Variants in PGM5 observed in about 807,000 individuals in gnomAD.
The protein encoded by PGM5 is phosphoglucomutase-like protein 5.
Under a neutral mutation model 59.2 loss-of-function variants are expected in PGM5, and 23 were observed. The observed-to-expected ratio is 0.39, with a 90% CI of 0.28 to 0.55. The LOEUF is 0.55. PGM5 is among the 20% of genes least tolerant of loss of function. PGM5 has a pLI of 0.66. For missense variants in PGM5, 574 were observed against 748.3 expected, an observed-to-expected ratio of 0.77 and a Z score of 2.72; for synonymous variants, 214 against 286.0, an observed-to-expected ratio of 0.75 and a Z score of 2.54.
intron 6 of PGM5, among the ~76,000 whole-genome samples, chr9:68,442,198 T>A (rs1554683728): frequency 5.9e-5 from 9 of 152,266 alleles, no homozygotes. Context: ...ATAAACAAAC[T>A]GGTTCTAAAT....
At chr9:68,423,531 G>A (rs1440445853) in intron 6 of PGM5, among the ~76,000 whole-genome samples, 2 of 152,288 alleles carry the variant, frequency 1.3e-5, no homozygotes, top group East Asian at 3.9e-4. Flanking sequence ...GAAGAGCTTG[G>A]TGTTGAGAAT....
intron 9 of PGM5, among the ~76,000 whole-genome samples, chr9:68,488,310 T>C (rs1824331963): frequency 6.6e-6 from 1 of 152,208 alleles, no homozygotes; most frequent in African/African-American, 2.4e-5. Flanking sequence ...CTTGGTCTCC[T>C]TTATGTCCTT....
chr9:68,426,376 A>ACATATAATT (rs1392848589), intron 6 of PGM5, among the ~76,000 whole-genome samples: 5 of 152,116 alleles, frequency 3.3e-5, no homozygotes, highest in African/African-American at 1.2e-4. Flanking sequence ...TCTTACACAT[A>ACATATAATT]CATATAATTG....
At chr9:68,423,546 T>A (rs11142335) in intron 6 of PGM5, among the ~76,000 whole-genome samples, 1 of 151,424 alleles carries the variant, frequency 6.6e-6, no homozygotes, top group Non-Finnish European at 1.5e-5. Flanking sequence ...GAGAATGGCA[T>A]GCAGAGCTGA....
intron 6 of PGM5, among the ~76,000 whole-genome samples, chr9:68,393,375 G>A (rs567738562): frequency 2.6e-5 from 4 of 151,196 alleles, no homozygotes; most frequent in African/African-American, 7.3e-5. Flanking sequence ...ATTTGCCTGT[G>A]ATAATACCAA....
At chr9:68,371,598 T>C (rs2482226) in intron 1 of PGM5, 22 of 152,120 alleles carry the variant, frequency 1.4e-4, no homozygotes, top group Admixed American at 5.9e-4. Context: ...CCCTCTTCTT[T>C]CTTGGCTTTT....
chr9:68,397,466 A>T (rs782053748), intron 6 of PGM5: 1 of 152,214 alleles, frequency 6.6e-6, no homozygotes, highest in African/African-American at 2.4e-5. Flanking sequence ...TGTTTTGACT[A>T]TGAAAAAGGC....
At chr9:68,444,571 T>C (rs1554683902) in intron 6 of PGM5, among the ~76,000 whole-genome samples, 3 of 152,176 alleles carry the variant, frequency 2.0e-5, no homozygotes, top group African/African-American at 7.2e-5. Context: ...TGACATACAT[T>C]TCCCCCATTC....
intron 1 of PGM5, among the ~76,000 whole-genome samples, chr9:68,365,032 CT>C (rs1422198804): frequency 2.0e-5 from 3 of 152,186 alleles, no homozygotes; most frequent in African/African-American, 7.2e-5. Context: ...CTCTTTGAGC[CT>C]TTTGTGAACT....
Position 68,384,468 on chromosome 9 carries a change from T to G in PGM5, c.495T>G (p.Cys165Trp). ...ISKTIEEYAI[C>W]PDLRIDLSRL... The stretch of plus-strand genomic sequence containing the variant: ...AAACGATTGAGGAATATGCTATATG[T>G]CCTGATCTCCGAATCGACCTATCTC... The change falls in exon 3 of 11, where the codon TGT becomes TGG. Residue 165 changes from cysteine (C) to tryptophan (W), a missense_variant. Coordinates refer to ENST00000396396, the MANE Select transcript of PGM5 (RefSeq NM_021965.4). 6.2e-7 allele frequency: 1 copy of G among 1,607,426 alleles called. No homozygotes were observed. Among genetic ancestry groups the G allele is most frequent in the South Asian group, 1.1e-5 (1 of 90,880 alleles).
intron 6 of PGM5, among the ~76,000 whole-genome samples, chr9:68,444,306 C>T: frequency 6.6e-6 from 1 of 151,998 alleles, no homozygotes; most frequent in East Asian, 1.9e-4. Context: ...GATATTTGAC[C>T]CTAACTTCTC....
At chr9:68,401,889 ATGTGTG>A (rs1327827891) in intron 6 of PGM5, among the ~76,000 whole-genome samples, 2 of 9,304 alleles carry the variant, frequency 2.1e-4, no homozygotes, top group African/African-American at 2.6e-4. Flanking sequence ...ATATATATAT[ATGTGTG>A]TGTGTGTGTG....
chr9:68,442,795 C>T lies in PGM5; in HGVS notation c.1044-22298C>T, dbSNP rs569057622. On this transcript the variant is annotated intron_variant, in intron 6 of 10. Transcript: ENST00000396396. ...GATATATGGATGTCAAATAAGAACA[C>T]GAAAATGTGTTCAACATCATTAACC... is the stretch of plus-strand genomic sequence containing the variant. Among the ~76,000 whole-genome samples, 220 of 152,200 alleles carry T rather than the reference C, an allele frequency of 1.4e-3. 1 individual carries two copies. Among genetic ancestry groups the T allele is most frequent in the African/African-American group, 5.1e-3 (212 of 41,530 alleles).
rs114100129 is a variant in PGM5 at position 68,507,677 on chromosome 9, C to T, written c.1614+8316C>T. ...TGGTGTTGAAAGGAATTTAGTATGGCTGTGTTTTCATAACTGGCTCTTGGG... is the reference window on the plus strand; with the variant it reads ...TGGTGTTGAAAGGAATTTAGTATGGTTGTGTTTTCATAACTGGCTCTTGGG... On this transcript the variant is annotated intron_variant, in intron 10 of 10. Transcript: ENST00000396396. 6.5e-3 allele frequency among the ~76,000 whole-genome samples: 977 copies of T among 151,360 alleles called. 13 individuals carry two copies. The highest frequency in any genetic ancestry group is 0.022 in the African/African-American group (924 of 41,164).
intron 9 of PGM5, among the ~76,000 whole-genome samples, chr9:68,491,281 C>T (rs1269732123): frequency 6.6e-6 from 1 of 152,220 alleles, no homozygotes; most frequent in Non-Finnish European, 1.5e-5. Context: ...GGAAACTAGA[C>T]TAGGGCTCTA....
At chr9:68,453,663 C>T (rs1823731189) in intron 6 of PGM5, among the ~76,000 whole-genome samples, 1 of 152,164 alleles carries the variant, frequency 6.6e-6, no homozygotes, top group African/African-American at 2.4e-5. Context: ...TTCAATCATC[C>T]CATGTATTTG....
rs1319796526 is a variant in PGM5 at position 68,360,193 on chromosome 9, GA to G, written c.261+2810del. Among the ~76,000 whole-genome samples the G allele has an allele frequency of 5.9e-5, 9 of 151,914 alleles. No individual in the cohort carries two copies. In the East Asian group the frequency reaches 1.7e-3, roughly 29 times the overall value. ...CTTTGATTATGTAATTGCTGGAGAA[GA>G]AAAACATGGCATTTCTAAAATGATG... On this transcript the variant is annotated intron_variant, in intron 1 of 10. Transcript: ENST00000396396.
At chr9:68,376,174 G>A (rs1379774114) in intron 1 of PGM5, among the ~76,000 whole-genome samples, 8 of 152,168 alleles carry the variant, frequency 5.3e-5, no homozygotes, top group African/African-American at 1.9e-4. Flanking sequence ...GGGCTGCTCA[G>A]CCCATGATGT....
intron 6 of PGM5, among the ~76,000 whole-genome samples, chr9:68,392,686 T>C (rs566837468): frequency 6.6e-6 from 1 of 152,276 alleles, no homozygotes; most frequent in South Asian, 2.1e-4. Flanking sequence ...GAATTTAGAC[T>C]TATTTAGTCT....
Sources: allele counts gnomAD v4.1 joint callset (sites outside exome capture counted in the v4.1 genomes callset), GRCh38; gene constraint gnomAD v4.1.1; transcripts MANE v1.5; gene names NCBI Gene and HGNC (gene_info 2026-07-23, HGNC 2026-07-21).